Variants in LMX1B observed in about 807,000 individuals in gnomAD.
LMX1B encodes LIM homeobox transcription factor 1 beta, also known as LIM homeobox transcription factor 1-beta.
LMX1B carries 12 observed loss-of-function variants against 51.4 expected under a neutral mutation model. The ratio of observed to expected loss-of-function variants is 0.23; its 90% CI spans 0.15 to 0.38. LMX1B has a LOEUF of 0.38. Ranked by LOEUF, LMX1B falls within the 10% of genes least tolerant of loss-of-function variation. The pLI is 1.00. For missense variants in LMX1B, 445 were observed against 571.1 expected, an observed-to-expected ratio of 0.78 and a Z score of 2.25; for synonymous variants, 237 against 235.4, an observed-to-expected ratio of 1.01 and a Z score of -0.06.
intron 2 of LMX1B, among the ~76,000 whole-genome samples, chr9:126,619,561 T>A (rs1211161840): frequency 6.6e-6 from 1 of 152,240 alleles, no homozygotes; most frequent in Non-Finnish European, 1.5e-5. Flanking sequence ...AAGGCTTCTA[T>A]GGTGCTGTCT....
chr9:126,627,270 C>T (rs1211484460), intron 2 of LMX1B, among the ~76,000 whole-genome samples: 8 of 152,118 alleles, frequency 5.3e-5, no homozygotes, highest in Admixed American at 6.5e-5. Flanking sequence ...GCCCCTCCCC[C>T]AGGGACCCTT....
chr9:126,653,379 C>A (rs1836057386), intron 2 of LMX1B, among the ~76,000 whole-genome samples: 1 of 152,086 alleles, frequency 6.6e-6, no homozygotes, highest in African/African-American at 2.4e-5. Flanking sequence ...TGGTCTCCAA[C>A]TTCTGGGCTC....
chr9:126,686,582 G>A (rs752706855), intron 2 of LMX1B, among the ~76,000 whole-genome samples: 9 of 152,156 alleles, frequency 5.9e-5, no homozygotes, highest in Non-Finnish European at 1.0e-4. Flanking sequence ...TCTGGAGGCC[G>A]GGCTGATGCT....
Position 126,637,564 on chromosome 9 carries a change from G to A in LMX1B, c.326+21995G>A, listed in dbSNP as rs536526416. 2.0e-5 allele frequency among the ~76,000 whole-genome samples: 3 copies of A among 152,218 alleles called. No homozygotes were observed. In the East Asian group the frequency reaches 5.8e-4, roughly 29 times the overall value. On this transcript the variant is annotated intron_variant, in intron 2 of 7. Transcript: ENST00000373474. ...TGAGTCTGGGTGTCCGTGTGGTGTTGGCCATTGTGGGCTAATGTGTCAGGG... is the reference window on the plus strand; with the variant it reads ...TGAGTCTGGGTGTCCGTGTGGTGTTAGCCATTGTGGGCTAATGTGTCAGGG...
At chr9:126,634,760 T>C (rs1201974879) in intron 2 of LMX1B, among the ~76,000 whole-genome samples, 3 of 152,176 alleles carry the variant, frequency 2.0e-5, no homozygotes, top group Non-Finnish European at 2.9e-5. Flanking sequence ...AGGGCCCCGC[T>C]GCGAGTGTAC....
Position 126,693,527 on chromosome 9 carries a change from C to T in LMX1B, c.745C>T (p.Arg249Ter), listed in dbSNP as rs121909492. The T allele has an allele frequency of 1.2e-6, 2 of 1,613,956 alleles. No individual in the cohort carries two copies. Among genetic ancestry groups the T allele is most frequent in the Non-Finnish European group, 8.5e-7 (1 of 1,179,948 alleles). ...TGTTCCCCTCTCTCTGAGCCAGGTCCGAGAGACACTGGCAGCTGAGACGGG... is the reference window on the plus strand; with the variant it reads ...TGTTCCCCTCTCTCTGAGCCAGGTCTGAGAGACACTGGCAGCTGAGACGGG... ...EVSSKPCRKVRETLAAETGLS... is the reference protein window; with the variant it reads ...EVSSKPCRKV The change falls in exon 5 of 8, where the codon CGA becomes TGA. Residue 249 changes from arginine (R) to a stop codon, truncating the protein, a stop_gained. Coordinates refer to ENST00000373474, the MANE Select transcript of LMX1B (RefSeq NM_001174147.2). LOFTEE classifies it high-confidence loss of function.
rs762686900 is a variant in LMX1B at position 126,693,163 on chromosome 9, G to A, written c.581G>A (p.Gly194Glu). ...SDSVKSEDED[G>E]DMKPAKGQGS... is the part of the protein sequence containing the mutation. Reference sequence around the variant, plus strand: ...ACAGTGAAGAGCGAGGATGAAGATGGGGACATGAAGCCGGCCAAGGGGCAG... The same window carrying A: ...ACAGTGAAGAGCGAGGATGAAGATGAGGACATGAAGCCGGCCAAGGGGCAG... Residue 194 changes from glycine (G) to glutamate (E), a missense_variant, in exon 4 of 8, where the codon GGG (glycine) becomes GAG (glutamate). Around this residue, in one of 3 missense-constraint regions of LMX1B, gnomAD observed 273 missense variants for 343.3 expected, o/e 0.80. Transcript: ENST00000373474. The A allele has an allele frequency of 6.3e-7, 1 of 1,591,272 alleles. No individual in the cohort carries two copies. The highest frequency in any genetic ancestry group is 1.3e-5 in the African/African-American group (1 of 74,660).
At chr9:126,660,182 TACAC>T in intron 2 of LMX1B, among the ~76,000 whole-genome samples, 5 of 151,654 alleles carry the variant, frequency 3.3e-5, no homozygotes, top group Non-Finnish European at 4.4e-5. Context: ...TGGGGGTATC[TACAC>T]TGGCTTCAGA....
rs547189750 is a variant in LMX1B, at chr9:126,624,196, G to A, written c.326+8627G>A. Among the ~76,000 whole-genome samples, 1,004 of 152,334 alleles carry A rather than the reference G, an allele frequency of 6.6e-3. 6 individuals are homozygous for A. The highest frequency in any genetic ancestry group is 0.012 in the Non-Finnish European group (802 of 68,028). On this transcript the variant is annotated intron_variant, in intron 2 of 7. Transcript: ENST00000373474. ...AGTCCAGGGCCCTGCAGCAGCTTTC[G>A]GGCTTCTCAGCGTTTCGGGGACCCT...
chr9:126,646,221 G>A (rs993290704), intron 2 of LMX1B, among the ~76,000 whole-genome samples: 7 of 152,098 alleles, frequency 4.6e-5, no homozygotes, highest in African/African-American at 1.7e-4. Flanking sequence ...TGGATGACAA[G>A]AGGGAAGTCT....
intron 2 of LMX1B, among the ~76,000 whole-genome samples, chr9:126,651,250 T>C (rs1454715523): frequency 6.6e-6 from 1 of 151,650 alleles, no homozygotes; most frequent in Non-Finnish European, 1.5e-5. Flanking sequence ...AATCATGGGG[T>C]TTTCTGTTGA....
At chr9:126,622,237 G>A (rs930675836) in intron 2 of LMX1B, among the ~76,000 whole-genome samples, 1 of 152,286 alleles carries the variant, frequency 6.6e-6, no homozygotes, top group Non-Finnish European at 1.5e-5. Flanking sequence ...TTGGTGAACT[G>A]GGGGGAAGTG....
intron 2 of LMX1B, among the ~76,000 whole-genome samples, chr9:126,647,230 AG>A (rs1374367668): frequency 2.0e-5 from 3 of 152,084 alleles, no homozygotes; most frequent in Non-Finnish European, 4.4e-5. Context: ...AAAAAATGCT[AG>A]GAAAAATTCA....
rs952854505 is a variant in LMX1B at position 126,677,319 on chromosome 9, G to A, written c.327-13517G>A. On this transcript the variant is annotated intron_variant, in intron 2 of 7. Transcript: ENST00000373474. This position sits in a 1 kb window ranked among gnomAD's most constrained non-coding sequence, Gnocchi z 5.0. The stretch of plus-strand genomic sequence containing the variant: ...CTCCGAGCTCCCCTGGGCTCAGCAT[G>A]GAGTCCTGCTCCTCTCTGGCACCCC... Among the ~76,000 whole-genome samples the A allele has an allele frequency of 1.3e-5, 2 of 152,180 alleles. No individual in the cohort carries two copies. The highest frequency in any genetic ancestry group is 2.9e-5 in the Non-Finnish European group (2 of 68,030).
intron 6 of LMX1B, among the ~76,000 whole-genome samples, chr9:126,694,731 GC>G (rs1367920348): frequency 6.6e-6 from 1 of 152,174 alleles, no homozygotes; most frequent in African/African-American, 2.4e-5. Flanking sequence ...TAATGACACA[GC>G]CTTAGTGCCT....
intron 2 of LMX1B, among the ~76,000 whole-genome samples, chr9:126,617,749 G>A (rs927248593): frequency 6.6e-6 from 1 of 152,146 alleles, no homozygotes; most frequent in African/African-American, 2.4e-5. Flanking sequence ...CGAATCTCAG[G>A]TCCGAAGACC....
At chr9:126,678,743 T>G (rs911734527) in intron 2 of LMX1B, among the ~76,000 whole-genome samples, 6 of 152,110 alleles carry the variant, frequency 3.9e-5, no homozygotes, top group Admixed American at 2.0e-4. Flanking sequence ...GGCAAAAACC[T>G]GATGCTAGAG....
At chr9:126,655,770 T>C (rs4641162) in intron 2 of LMX1B, among the ~76,000 whole-genome samples, 98,387 of 152,142 alleles carry the variant, frequency 0.65, 32,216 homozygotes, top group Non-Finnish European at 0.71. Context: ...TTCACCATTT[T>C]GAAGTGTACA....
Position 126,634,444 on chromosome 9 carries a change from G to A in LMX1B, c.326+18875G>A, listed in dbSNP as rs112137691. Among the ~76,000 whole-genome samples the A allele has an allele frequency of 4.4e-3, 671 of 152,276 alleles. 7 individuals carry two copies. Among genetic ancestry groups the A allele is most frequent in the Non-Finnish European group, 6.6e-3 (447 of 68,028 alleles). On this transcript the variant is annotated intron_variant, in intron 2 of 7. Transcript: ENST00000373474. ...AGGCATGGGGAAGAAAACGCTCCAG[G>A]TCCTGCCCTCGGCTGCCACCATGGT... is the stretch of plus-strand genomic sequence containing the variant.
Sources: gnomAD v4.1 joint callset for allele counts (sites outside exome capture counted in the v4.1 genomes callset) on GRCh38, gnomAD v4.1.1 for gene constraint, gnomAD v4.1.1 regional missense constraint, Gnocchi (gnomAD v3.1) non-coding constraint, MANE v1.5 for transcripts, NCBI Gene and HGNC (gene_info 2026-07-23, HGNC 2026-07-21) for gene names.